The following SPAG16 variants were observed in gnomAD, a reference collection of about 807,000 sequenced individuals.
SPAG16 encodes sperm-associated antigen 16 protein.
A neutral mutation model predicts 80.4 loss-of-function variants in SPAG16; 86 were observed. The observed-to-expected ratio is 1.07, with a 90% confidence interval of 0.90 to 1.28. The LOEUF is 1.28. SPAG16 is among the 50% of genes most tolerant of loss of function. SPAG16 has a pLI of 0.00. For synonymous variants in SPAG16, 294 were observed against 265.9 expected (o/e 1.11, Z -1.03); for missense variants, 870 against 765.3 (o/e 1.14, Z -1.61).
chr2:213,968,676 A>G (rs540894682), intron 12 of SPAG16, among the ~76,000 whole-genome samples: 1 of 152,328 alleles, frequency 6.6e-6, no homozygotes, highest in Admixed American at 6.5e-5. Flanking sequence ...AAAAAGTCCA[A>G]GCTGTAAATT....
At chr2:214,246,268 T>A (rs1261886555) in intron 15 of SPAG16, among the ~76,000 whole-genome samples, 1 of 152,174 alleles carries the variant, frequency 6.6e-6, no homozygotes, top group Non-Finnish European at 1.5e-5. Context: ...TTAGTGGCTA[T>A]GGCAGATTCA....
intron 6 of SPAG16, among the ~76,000 whole-genome samples, chr2:213,343,817 G>A (rs2064819223): frequency 6.6e-6 from 1 of 152,024 alleles, no homozygotes; most frequent in South Asian, 2.1e-4. Flanking sequence ...AAGCTGAAAA[G>A]AAATGAGCAG....
chr2:213,614,045 C>T (rs558541323), intron 10 of SPAG16, among the ~76,000 whole-genome samples: 11 of 152,322 alleles, frequency 7.2e-5, no homozygotes, highest in South Asian at 4.1e-4. Context: ...TCCCATCCTC[C>T]TGTTGTGTTG....
chr2:213,959,515 G>A (rs1178706298), intron 12 of SPAG16, among the ~76,000 whole-genome samples: 1 of 152,050 alleles, frequency 6.6e-6, no homozygotes, highest in Non-Finnish European at 1.5e-5. Flanking sequence ...AAGACCCAAT[G>A]GTGAACAACA....
intron 12 of SPAG16, among the ~76,000 whole-genome samples, chr2:214,008,974 T>C (rs1351436330): frequency 1.3e-5 from 2 of 152,180 alleles, no homozygotes; most frequent in Admixed American, 1.3e-4. Context: ...GGAGCCTTTC[T>C]TGAATCTCCA....
At chr2:213,370,171 A>G (rs1359000021) in intron 8 of SPAG16, among the ~76,000 whole-genome samples, 2 of 152,228 alleles carry the variant, frequency 1.3e-5, no homozygotes, top group Non-Finnish European at 2.9e-5. Flanking sequence ...GTAACACAAC[A>G]ATACAAGCAA....
intron 9 of SPAG16, among the ~76,000 whole-genome samples, chr2:213,391,932 T>C (rs920801144): frequency 6.6e-6 from 1 of 152,232 alleles, no homozygotes. Context: ...GTTCCAATGT[T>C]TGCATGTCCC....
chr2:214,333,032 T>C (rs1697033796), intron 15 of SPAG16, among the ~76,000 whole-genome samples: 1 of 152,208 alleles, frequency 6.6e-6, no homozygotes, highest in Admixed American at 6.5e-5. Flanking sequence ...AATATTTCTT[T>C]TTTCCCATTA....
chr2:213,832,877 G>A (rs943018533), intron 10 of SPAG16, among the ~76,000 whole-genome samples: 1 of 152,032 alleles, frequency 6.6e-6, no homozygotes, highest in Non-Finnish European at 1.5e-5. Context: ...ACTTTTAAGA[G>A]AGTCAGCATG....
At chr2:214,105,765 T>C (rs746166288) in intron 13 of SPAG16, among the ~76,000 whole-genome samples, 2 of 152,226 alleles carry the variant, frequency 1.3e-5, no homozygotes, top group Non-Finnish European at 2.9e-5. Context: ...GTATTGCTTT[T>C]GATTAAGGCT....
At chr2:213,360,788 G>A (rs1003828764) in intron 7 of SPAG16, among the ~76,000 whole-genome samples, 3 of 152,152 alleles carry the variant, frequency 2.0e-5, no homozygotes, top group African/African-American at 4.8e-5. Context: ...TCTCTATAAT[G>A]TAAAATAGAA....
intron 15 of SPAG16, among the ~76,000 whole-genome samples, chr2:214,263,896 A>G (rs903540975): frequency 2.0e-5 from 3 of 152,208 alleles, no homozygotes; most frequent in African/African-American, 7.2e-5. Flanking sequence ...TAGTTTATAC[A>G]TGCATGCACT....
At chr2:213,615,230 CA>C (rs113830121) in intron 10 of SPAG16, among the ~76,000 whole-genome samples, 9 of 152,306 alleles carry the variant, frequency 5.9e-5, no homozygotes, top group African/African-American at 2.2e-4. Context: ...ACAGGAGTAC[CA>C]AAATTGTTAT....
chr2:213,760,302 T>G (rs1416724459), intron 10 of SPAG16, among the ~76,000 whole-genome samples: 1 of 152,072 alleles, frequency 6.6e-6, no homozygotes, highest in Non-Finnish European at 1.5e-5. Context: ...AAATAGACTT[T>G]AATCAAAAAG....
At chr2:213,920,308 A>G (rs2078155602) in intron 11 of SPAG16, among the ~76,000 whole-genome samples, 1 of 152,148 alleles carries the variant, frequency 6.6e-6, no homozygotes, top group Non-Finnish European at 1.5e-5. Flanking sequence ...GATATGTGTG[A>G]ATGTGATCCT....
chr2:213,354,391 G>A (rs2065511112), intron 7 of SPAG16, among the ~76,000 whole-genome samples: 1 of 151,964 alleles, frequency 6.6e-6, no homozygotes. Flanking sequence ...TAATAATTTG[G>A]GTATATACCC....
At chr2:213,320,907 G>A (rs977079237) in intron 5 of SPAG16, among the ~76,000 whole-genome samples, 5 of 151,910 alleles carry the variant, frequency 3.3e-5, no homozygotes, top group African/African-American at 9.7e-5. Context: ...AACTACATCT[G>A]TCATGCTACC....
chr2:214,027,030 C>G (rs905035504), intron 13 of SPAG16, among the ~76,000 whole-genome samples: 1 of 151,460 alleles, frequency 6.6e-6, no homozygotes, highest in South Asian at 2.1e-4. Flanking sequence ...CTTTATTCCA[C>G]TGTTTGATGA....
At chr2:213,613,676 G>C (rs369445880) in intron 10 of SPAG16, among the ~76,000 whole-genome samples, 2 of 152,106 alleles carry the variant, frequency 1.3e-5, no homozygotes, top group East Asian at 1.9e-4. Flanking sequence ...TTTTTAGTTA[G>C]GTTTATTGTT....
Sources: gnomAD v4.1 joint callset for allele counts (sites outside exome capture counted in the v4.1 genomes callset) on GRCh38, gnomAD v4.1.1 for gene constraint, MANE v1.5 for transcripts, NCBI Gene and HGNC (gene_info 2026-07-23, HGNC 2026-07-21) for gene names.